STXBP4: variants seen among roughly 807,000 people sequenced by gnomAD.
STXBP4 encodes the protein syntaxin binding protein 4.
STXBP4 carries 55 observed loss-of-function variants against 76.1 expected under a neutral mutation model. That is an observed-to-expected ratio of 0.72 (90% CI 0.58 to 0.91). The LOEUF (loss-of-function observed/expected upper bound fraction) is 0.91. STXBP4 is among the 40% of genes least tolerant of loss of function. The probability of loss-of-function intolerance (pLI) is 0.00; values close to 1 mark genes in which losing one functional copy is unlikely to be tolerated. For missense variants in STXBP4, 618 were observed against 636.9 expected (o/e 0.97, Z 0.32); for synonymous variants, 201 against 220.2 (o/e 0.91, Z 0.77).
At chr17:55,211,094 C>G in the STXBP4 span, among the ~76,000 whole-genome samples, 1 of 143,180 alleles carries the variant, frequency 7.0e-6, no homozygotes, top group Non-Finnish European at 1.5e-5. Context: ...TCGTGAAATG[C>G]CCCCCCCCAT....
chr17:55,061,259 T>C (rs1161897951), intron 12 of STXBP4, among the ~76,000 whole-genome samples: 2 of 152,158 alleles, frequency 1.3e-5, no homozygotes, highest in Admixed American at 1.3e-4. Context: ...ACAACAATAA[T>C]AAGTGATTCC....
intron 8 of STXBP4, among the ~76,000 whole-genome samples, chr17:55,018,085 G>A (rs963098407): frequency 1.3e-5 from 2 of 152,056 alleles, no homozygotes; most frequent in African/African-American, 4.8e-5. Context: ...CTGACCTTGG[G>A]TTCTTGGCCT....
rs149346148 is a variant in STXBP4, at chr17:55,172,566, C to T, written c.*12655C>T. The T allele has an allele frequency of 6.6e-6, 1 of 152,244 alleles. No individual in the cohort carries two copies. Among genetic ancestry groups the T allele is most frequent in the African/African-American group, 2.4e-5 (1 of 41,562 alleles). 9.4% of individuals were successfully genotyped at this position (152,244 alleles called of 1,614,324 possible). ...TTCCTTTAATAATACTTTTATTTTT[C>T]CAAATTTGAAGACTGTCCCTAAGTC... On this transcript the variant is annotated 3_prime_UTR_variant, in exon 18 of 18. Coordinates refer to ENST00000376352, the MANE Select transcript of STXBP4 (RefSeq NM_178509.6).
At chr17:55,043,666 A>C (rs113843143) in intron 11 of STXBP4, 2 of 1,549,102 alleles carry the variant, frequency 1.3e-6, no homozygotes, top group African/African-American at 2.7e-5. Flanking sequence ...GCAATTTTGG[A>C]TCCTGTGAGT....
the STXBP4 span, among the ~76,000 whole-genome samples, chr17:55,200,156 G>T: frequency 1.3e-5 from 2 of 152,176 alleles, no homozygotes; most frequent in Non-Finnish European, 2.9e-5. Flanking sequence ...TCTGAAGAAA[G>T]GTAGAGCTTA....
At chr17:55,063,048 A>G (rs1224779959) in intron 12 of STXBP4, among the ~76,000 whole-genome samples, 1 of 152,176 alleles carries the variant, frequency 6.6e-6, no homozygotes, top group Non-Finnish European at 1.5e-5. Context: ...TGACTCCTGT[A>G]TTCTCCACCA....
intron 7 of STXBP4, among the ~76,000 whole-genome samples, chr17:55,007,257 T>G: frequency 6.6e-6 from 1 of 151,408 alleles, no homozygotes; most frequent in East Asian, 1.9e-4. Context: ...GAGAATCACT[T>G]GAACCCGGGA....
At chr17:55,110,800 G>T (rs908257491) in intron 16 of STXBP4, among the ~76,000 whole-genome samples, 2 of 152,154 alleles carry the variant, frequency 1.3e-5, no homozygotes, top group African/African-American at 4.8e-5. Flanking sequence ...TCAAGTCCTA[G>T]CCTAGCACAT....
rs140676323 is a variant in STXBP4, at chr17:54,990,315, G to A, written c.48-510G>A. Among the ~76,000 whole-genome samples the A allele has an allele frequency of 3.3e-3, 503 of 152,256 alleles. 2 individuals carry two copies. Among genetic ancestry groups the A allele is most frequent in the African/African-American group, 0.011 (468 of 41,556 alleles). On this transcript the variant is annotated intron_variant, in intron 3 of 17. Coordinates refer to ENST00000376352, the MANE Select transcript of STXBP4 (RefSeq NM_178509.6). ...GCGACACAGCAGGAGGTGAGTCTAG[G>A]GCAAGTAAGCATTACTGCCTGAGCT... is the stretch of plus-strand genomic sequence containing the variant.
intron 1 of STXBP4, among the ~76,000 whole-genome samples, chr17:54,978,699 T>C (rs1471538319): frequency 6.6e-6 from 1 of 152,126 alleles, no homozygotes; most frequent in Non-Finnish European, 1.5e-5. Context: ...TCCTTCTTTA[T>C]CCAAATAATA....
intron 16 of STXBP4, among the ~76,000 whole-genome samples, chr17:55,101,519 C>G (rs1422987195): frequency 2.0e-5 from 3 of 152,184 alleles, no homozygotes; most frequent in Admixed American, 6.5e-5. Context: ...CTTAACACTT[C>G]TAGTACCTAT....
the STXBP4 span, among the ~76,000 whole-genome samples, chr17:55,211,479 T>G: frequency 1.3e-5 from 2 of 152,202 alleles, no homozygotes; most frequent in African/African-American, 4.8e-5. Context: ...TTTTTGAATA[T>G]TCTCTTTCCT....
intron 16 of STXBP4, among the ~76,000 whole-genome samples, chr17:55,101,600 G>T (rs2079567188): frequency 6.6e-6 from 1 of 152,138 alleles, no homozygotes; most frequent in Non-Finnish European, 1.5e-5. Flanking sequence ...TCTCATCCAT[G>T]CATTCAATAA....
At chr17:54,969,870 A>G (rs895397498) in intron 1 of STXBP4, among the ~76,000 whole-genome samples, 8 of 152,232 alleles carry the variant, frequency 5.3e-5, no homozygotes, top group Non-Finnish European at 1.2e-4. Flanking sequence ...AGGGACTCAG[A>G]AAATAATCAA....
the STXBP4 span, among the ~76,000 whole-genome samples, chr17:55,197,234 ATCT>A: frequency 2.6e-5 from 4 of 152,234 alleles, no homozygotes; most frequent in African/African-American, 4.8e-5. Flanking sequence ...TGTTGTGTGG[ATCT>A]TCTTAGCTCT....
At chr17:55,207,035 T>C in the STXBP4 span, among the ~76,000 whole-genome samples, 1 of 152,060 alleles carries the variant, frequency 6.6e-6, no homozygotes, top group Non-Finnish European at 1.5e-5. Flanking sequence ...CTTACCCTCC[T>C]GCAACTTCTC....
At chr17:55,056,983 G>A (rs1341635516) in intron 12 of STXBP4, among the ~76,000 whole-genome samples, 3 of 152,076 alleles carry the variant, frequency 2.0e-5, no homozygotes, top group Non-Finnish European at 2.9e-5. Context: ...ATTAAGATCT[G>A]CATATTAGCT....
intron 17 of STXBP4, among the ~76,000 whole-genome samples, chr17:55,151,121 AC>A (rs2080211727): frequency 6.6e-6 from 1 of 152,262 alleles, no homozygotes; most frequent in South Asian, 2.1e-4. Context: ...GAACAATAAG[AC>A]CTGTGTGGGA....
intron 8 of STXBP4, among the ~76,000 whole-genome samples, chr17:55,030,019 C>G (rs145173448): frequency 2.6e-5 from 4 of 152,262 alleles, no homozygotes; most frequent in African/African-American, 9.6e-5. Context: ...GTGATCGACA[C>G]TATATATGCT....
Sources: allele counts gnomAD v4.1 joint callset (sites outside exome capture counted in the v4.1 genomes callset), GRCh38; gene constraint gnomAD v4.1.1; transcripts MANE v1.5; gene names NCBI Gene and HGNC (gene_info 2026-07-23, HGNC 2026-07-21).